Variants in PDE8A observed in about 807,000 individuals in gnomAD.
The protein encoded by PDE8A is high affinity cAMP-specific and IBMX-insensitive 3',5'-cyclic phosphodiesterase 8A.
PDE8A carries 59 observed loss-of-function variants against 105.0 expected under a neutral mutation model. That is an observed-to-expected ratio of 0.56 (90% CI 0.46 to 0.70). The LOEUF is 0.70. PDE8A is among the 30% of genes least tolerant of loss of function. The pLI is 0.00. For missense variants in PDE8A, 1,014 were observed against 1,045.9 expected (o/e 0.97, Z 0.42); for synonymous variants, 355 against 371.9 (o/e 0.95, Z 0.52).
At chr15:85,081,995 C>T (rs964127203) in intron 5 of PDE8A, among the ~76,000 whole-genome samples, 1 of 152,098 alleles carries the variant, frequency 6.6e-6, no homozygotes, top group African/African-American at 2.4e-5. Context: ...ATCTTACCTG[C>T]GGAGGAACTG....
Position 85,076,755 on chromosome 15 carries a change from G to A in PDE8A, c.514G>A (p.Val172Ile), listed in dbSNP as rs139127577. ...VRRVDREELS[V>I]MPFISAGFTR... ...AAGGGTGGATAGAGAAGAGTTGTCC[G>A]TAATGCCTTTCATTTCTGCTGGATT... The change falls in exon 5 of 22, where the codon GTA (valine) becomes ATA (isoleucine). Residue 172 changes from valine to isoleucine, a missense_variant. By Grantham distance (29) the Val-to-Ile change is conservative (BLOSUM62 3). Coordinates refer to ENST00000394553, the MANE Select transcript of PDE8A (RefSeq NM_002605.3). 34 of 1,596,982 alleles carry A rather than the reference G, an allele frequency of 2.1e-5. No homozygotes were observed. In the East Asian group the frequency reaches 3.8e-4, roughly 18 times the overall value.
intron 5 of PDE8A, 117 bp from the exon 6 acceptor site, chr15:85,083,439 A>G (rs902339851): frequency 1.6e-6 from 1 of 630,814 alleles, no homozygotes; most frequent in Non-Finnish European, 2.9e-6. Context: ...CATTAATGAT[A>G]AAGTATTTTT....
At chr15:85,120,532 G>A (rs2082164857) in intron 17 of PDE8A, 2 of 314,920 alleles carry the variant, frequency 6.4e-6, no homozygotes, top group Non-Finnish European at 1.2e-5. Flanking sequence ...TGGGTCTAGA[G>A]AAAGACTGGC....
intron 20 of PDE8A, among the ~76,000 whole-genome samples, chr15:85,133,393 A>G (rs575090592): frequency 1.9e-4 from 29 of 152,244 alleles, no homozygotes; most frequent in African/African-American, 7.0e-4. Flanking sequence ...GAATGTTGCA[A>G]ATAAGGTCTG....
intron 11 of PDE8A, among the ~76,000 whole-genome samples, chr15:85,104,513 C>A (rs890722888): frequency 4.6e-5 from 7 of 151,866 alleles, no homozygotes; most frequent in Non-Finnish European, 1.0e-4. Context: ...CAAAGTAACT[C>A]CTGAATCCAG....
In PDE8A at chr15:85,042,375, T is replaced by C. The variant is rs997948810; in HGVS notation, c.187-21995T>C. ...AGAGACAGCATCTCGCTATGGCTGG[T>C]CTTGAACTCCTGGGCTCAAGTGATG... On this transcript the variant is annotated intron_variant, in intron 1 of 21. Coordinates refer to ENST00000394553, the MANE Select transcript of PDE8A (RefSeq NM_002605.3). Among the ~76,000 whole-genome samples, 3 of 152,034 alleles carry C rather than the reference T, an allele frequency of 2.0e-5. No homozygotes were observed. The East Asian group carries it at 5.8e-4, about 29-fold the overall frequency.
intron 1 of PDE8A, among the ~76,000 whole-genome samples, chr15:85,035,496 C>T (rs1369269761): frequency 6.6e-6 from 1 of 152,068 alleles, no homozygotes; most frequent in African/African-American, 2.4e-5. Context: ...AGGCGTGAGC[C>T]ACCGCGCCGG....
intron 1 of PDE8A, among the ~76,000 whole-genome samples, chr15:85,055,942 G>T (rs1435340723): frequency 6.6e-6 from 1 of 152,190 alleles, no homozygotes; most frequent in African/African-American, 2.4e-5. Context: ...TGCAGTGGCT[G>T]GTACTGGTTG....
chr15:85,095,639 C>T (rs1262041630), intron 8 of PDE8A, among the ~76,000 whole-genome samples: 1 of 151,036 alleles, frequency 6.6e-6, no homozygotes, highest in African/African-American at 2.4e-5. Context: ...CCACTGTGCC[C>T]AGCTGGAACT....
At chr15:85,085,666 ACT>A (rs929305425) in intron 6 of PDE8A, among the ~76,000 whole-genome samples, 3 of 145,790 alleles carry the variant, frequency 2.1e-5, no homozygotes, top group African/African-American at 7.5e-5. Flanking sequence ...CAAGAGCAAG[ACT>A]CTGTCTCAAA....
intron 5 of PDE8A, among the ~76,000 whole-genome samples, chr15:85,080,097 A>G (rs2081441899): frequency 6.6e-6 from 1 of 152,178 alleles, no homozygotes; most frequent in Non-Finnish European, 1.5e-5. Context: ...CAAAAAGAAC[A>G]CAGATATTGA....
At chr15:85,048,831 T>G (rs1449599527) in intron 1 of PDE8A, among the ~76,000 whole-genome samples, 3 of 152,200 alleles carry the variant, frequency 2.0e-5, no homozygotes, top group Admixed American at 6.5e-5. Flanking sequence ...CCGGGCGCGG[T>G]GGCTCACGCC....
intron 2 of PDE8A, among the ~76,000 whole-genome samples, chr15:85,066,274 C>T (rs957533439): frequency 6.6e-6 from 1 of 152,108 alleles, no homozygotes; most frequent in South Asian, 2.1e-4. Context: ...AAAAAGTAGG[C>T]ATATGGCCAG....
chr15:85,098,938 C>T (rs958915938), intron 9 of PDE8A, among the ~76,000 whole-genome samples: 1 of 138,382 alleles, frequency 7.2e-6, no homozygotes, highest in African/African-American at 2.5e-5. Flanking sequence ...GCCTGGGCAA[C>T]AAAGTAAGAC....
intron 1 of PDE8A, among the ~76,000 whole-genome samples, chr15:85,035,197 CTTTTTTTTTTTTTTT>C (rs35548176): frequency 5.2e-5 from 3 of 57,766 alleles, no homozygotes; most frequent in Admixed American, 2.6e-4. Context: ...TGGGTATTTC[CTTTTTTTTTTTTTTT>C]TTTTTTTTTT....
chr15:85,018,729 C>G (rs1291433607), intron 1 of PDE8A, among the ~76,000 whole-genome samples: 2 of 151,960 alleles, frequency 1.3e-5, no homozygotes, highest in Non-Finnish European at 2.9e-5. Context: ...AGTATGAATT[C>G]TTTTTTCAAA....
chr15:85,083,402 A>G (rs2081499229), intron 5 of PDE8A, among the ~76,000 whole-genome samples, 154 bp from the exon 6 acceptor site: 1 of 152,236 alleles, frequency 6.6e-6, no homozygotes, highest in Non-Finnish European at 1.5e-5. Flanking sequence ...TGGTGCCCAT[A>G]AAGTTTCTCT....
At chr15:85,081,168 A>G (rs2081460339) in intron 5 of PDE8A, among the ~76,000 whole-genome samples, 1 of 152,186 alleles carries the variant, frequency 6.6e-6, no homozygotes, top group Non-Finnish European at 1.5e-5. Context: ...TAACACCATA[A>G]TGATATCTCT....
chr15:85,095,859 A>AATATAT (rs1555478243), intron 8 of PDE8A, among the ~76,000 whole-genome samples: 13 of 118,276 alleles, frequency 1.1e-4, no homozygotes, highest in Non-Finnish European at 1.6e-5. Flanking sequence ...GAAGATCCTG[A>AATATAT]ATATATATAT....
Sources: allele counts gnomAD v4.1 joint callset (sites outside exome capture counted in the v4.1 genomes callset), GRCh38; gene constraint gnomAD v4.1.1; transcripts MANE v1.5; gene names NCBI Gene and HGNC (gene_info 2026-07-23, HGNC 2026-07-21).